PTPRT: variants seen among roughly 807,000 people sequenced by gnomAD.
PTPRT encodes the protein receptor-type tyrosine-protein phosphatase T.
PTPRT carries 56 observed loss-of-function variants against 176.8 expected under a neutral mutation model. That is an observed-to-expected ratio of 0.32 (90% confidence interval 0.26 to 0.40). The LOEUF is 0.40. Among genes scored for constraint, PTPRT ranks in the 10% least tolerant of loss-of-function variants. The pLI is 1.00. For synonymous variants in PTPRT, 783 were observed against 739.0 expected, an observed-to-expected ratio of 1.06 and a Z score of -0.96; for missense variants, 1,540 against 1,908.2, an observed-to-expected ratio of 0.81 and a Z score of 3.60.
At chr20:42,144,386 T>G (rs1379127834) in intron 17 of PTPRT, among the ~76,000 whole-genome samples, 1 of 152,098 alleles carries the variant, frequency 6.6e-6, no homozygotes, top group Non-Finnish European at 1.5e-5. Context: ...GTTGGAGATG[T>G]CCATTAGACA....
intron 7 of PTPRT, among the ~76,000 whole-genome samples, chr20:42,479,695 C>A (rs1311751912): frequency 6.6e-6 from 1 of 152,168 alleles, no homozygotes; most frequent in Non-Finnish European, 1.5e-5. Context: ...ATTCCAAAAT[C>A]TGAAACTTTC....
At chr20:43,179,162 C>A (rs904266306) in intron 1 of PTPRT, among the ~76,000 whole-genome samples, 5 of 152,308 alleles carry the variant, frequency 3.3e-5, no homozygotes, top group Admixed American at 1.3e-4. Context: ...TCTCCTGGGG[C>A]CCTAAACACA....
intron 7 of PTPRT, among the ~76,000 whole-genome samples, chr20:42,659,630 C>T (rs900956067): frequency 1.3e-5 from 2 of 152,042 alleles, no homozygotes; most frequent in African/African-American, 4.8e-5. Context: ...GGGGTGGGTG[C>T]GGGGAAAGTC....
chr20:42,375,442 T>TA (rs1294703845), intron 9 of PTPRT, among the ~76,000 whole-genome samples: 1 of 152,208 alleles, frequency 6.6e-6, no homozygotes, highest in Non-Finnish European at 1.5e-5. Flanking sequence ...CGTAAAAGGC[T>TA]ACAGGGAACT....
intron 11 of PTPRT, among the ~76,000 whole-genome samples, chr20:42,327,894 A>G (rs748387345): frequency 6.6e-5 from 10 of 152,122 alleles, no homozygotes; most frequent in Non-Finnish European, 1.3e-4. Flanking sequence ...GAAGGAAGCA[A>G]TATTTTAATA....
chr20:43,093,603 C>T (rs1390792571), intron 1 of PTPRT, among the ~76,000 whole-genome samples: 2 of 152,228 alleles, frequency 1.3e-5, no homozygotes, highest in African/African-American at 4.8e-5. Context: ...TCTTCCACAT[C>T]CCTCTGATCT....
intron 6 of PTPRT, among the ~76,000 whole-genome samples, chr20:42,691,557 G>A (rs2075794093): frequency 6.6e-6 from 1 of 152,146 alleles, no homozygotes; most frequent in Admixed American, 6.5e-5. Context: ...AGCCTACTCA[G>A]TTTGTGGGAA....
intron 12 of PTPRT, among the ~76,000 whole-genome samples, chr20:42,286,804 G>GGCA (rs2057237264): frequency 6.6e-6 from 1 of 151,662 alleles, no homozygotes. Flanking sequence ...AGAGTACAAA[G>GGCA]GCAACCTACA....
intron 7 of PTPRT, among the ~76,000 whole-genome samples, chr20:42,530,037 T>A (rs1414864519): frequency 6.6e-6 from 1 of 152,188 alleles, no homozygotes; most frequent in Non-Finnish European, 1.5e-5. Flanking sequence ...CAAGGCTTTT[T>A]GTTACATTGG....
intron 9 of PTPRT, among the ~76,000 whole-genome samples, chr20:42,413,113 G>A (rs2059032877): frequency 6.6e-6 from 1 of 152,050 alleles, no homozygotes; most frequent in African/African-American, 2.4e-5. Context: ...TGACATTAGA[G>A]TGATACGGCA....
Position 42,390,880 on chromosome 20 carries a change from C to T in PTPRT, c.1561-38595G>A, listed in dbSNP as rs111930515. ...AACAGGAACTTTCTTGAGTACCGAC[C>T]GAGAGGCTGGCAGGTAGGACTAAGA... is the stretch of plus-strand genomic sequence containing the variant. On this transcript the variant is annotated intron_variant, in intron 9 of 30. Transcript: ENST00000373187. Among the ~76,000 whole-genome samples, 1,079 of 152,078 alleles carry T rather than the reference C, an allele frequency of 7.1e-3. 15 individuals are homozygous for T. The highest frequency in any genetic ancestry group is 0.024 in the African/African-American group (1,010 of 41,496).
chr20:42,903,057 T>C (rs1377531342), intron 1 of PTPRT, among the ~76,000 whole-genome samples: 1 of 152,192 alleles, frequency 6.6e-6, no homozygotes, highest in African/African-American at 2.4e-5. Flanking sequence ...AAGGGGCCCA[T>C]CTCGGCTCTT....
intron 12 of PTPRT, among the ~76,000 whole-genome samples, chr20:42,290,824 G>A (rs1337740106): frequency 6.6e-6 from 1 of 151,884 alleles, no homozygotes; most frequent in East Asian, 1.9e-4. Context: ...CTCTTCAATT[G>A]AGGAGTTCAC....
chr20:43,073,756 T>C (rs368422395), intron 1 of PTPRT, among the ~76,000 whole-genome samples: 25 of 151,796 alleles, frequency 1.6e-4, no homozygotes, highest in South Asian at 1.0e-3. Context: ...AAGGGAGAGA[T>C]ACATGATCCA....
At chr20:42,872,408 G>A (rs1351994925) in intron 2 of PTPRT, among the ~76,000 whole-genome samples, 1 of 152,220 alleles carries the variant, frequency 6.6e-6, no homozygotes, top group Non-Finnish European at 1.5e-5. Flanking sequence ...CAGAGTACGT[G>A]CCTTAAGCTC....
At chr20:42,604,622 C>T (rs1302622565) in intron 7 of PTPRT, among the ~76,000 whole-genome samples, 1 of 152,120 alleles carries the variant, frequency 6.6e-6, no homozygotes, top group Non-Finnish European at 1.5e-5. Context: ...ATATTCTTCT[C>T]ATGCACACAT....
At chr20:42,503,379 T>A (rs1175499526) in intron 7 of PTPRT, among the ~76,000 whole-genome samples, 1 of 152,114 alleles carries the variant, frequency 6.6e-6, no homozygotes, top group African/African-American at 2.4e-5. Flanking sequence ...ATTATTTTTA[T>A]GATCATTCAA....
At chr20:42,324,031 G>C (rs1291421714) in intron 11 of PTPRT, among the ~76,000 whole-genome samples, 1 of 152,066 alleles carries the variant, frequency 6.6e-6, no homozygotes, top group African/African-American at 2.4e-5. Context: ...CTATCCAAAA[G>C]AAATAAGACA....
At chr20:42,546,755 C>G (rs1428340018) in intron 7 of PTPRT, among the ~76,000 whole-genome samples, 1 of 151,794 alleles carries the variant, frequency 6.6e-6, no homozygotes, top group Non-Finnish European at 1.5e-5. Flanking sequence ...TTTTTTGTTT[C>G]GGGGAATATG....
Sources: gnomAD v4.1 joint callset for allele counts (sites outside exome capture counted in the v4.1 genomes callset) on GRCh38, gnomAD v4.1.1 for gene constraint, MANE v1.5 for transcripts, NCBI Gene and HGNC (gene_info 2026-07-23, HGNC 2026-07-21) for gene names.